OTUD7A: variants seen among roughly 807,000 people sequenced by gnomAD.
OTUD7A encodes OTU deubiquitinase 7A.
In OTUD7A, 12 loss-of-function variants were observed where a neutral mutation model predicts 65.7. That is an observed-to-expected ratio of 0.18 (90% CI 0.12 to 0.30). The LOEUF (loss-of-function observed/expected upper bound fraction) is 0.30, where lower values mean the gene tolerates loss of function less well. Ranked by LOEUF, OTUD7A falls within the 10% of genes least tolerant of loss-of-function variation. OTUD7A has a pLI of 1.00. For synonymous variants in OTUD7A, 641 were observed against 586.3 expected, an observed-to-expected ratio of 1.09 and a Z score of -1.35; for missense variants, 1,148 against 1,304.8, an observed-to-expected ratio of 0.88 and a Z score of 1.85.
At chr15:31,860,999 A>G (rs997370317) in intron 1 of OTUD7A, among the ~76,000 whole-genome samples, 10 of 150,736 alleles carry the variant, frequency 6.6e-5, no homozygotes, top group Non-Finnish European at 1.3e-4. Context: ...GATTACAGGC[A>G]TGAGCCACCA....
chr15:31,496,358 A>T (rs2041383886), intron 10 of OTUD7A, among the ~76,000 whole-genome samples: 1 of 151,732 alleles, frequency 6.6e-6, no homozygotes, highest in South Asian at 2.1e-4. Context: ...CGTAGCTGGG[A>T]CTACAGGCAC....
intron 5 of OTUD7A, among the ~76,000 whole-genome samples, chr15:31,552,134 C>T (rs998311701): frequency 4.6e-5 from 7 of 152,180 alleles, no homozygotes; most frequent in Non-Finnish European, 1.0e-4. Context: ...TCTTGCTCCC[C>T]TTCACATCAT....
chr15:31,766,819 A>T, intron 1 of OTUD7A: 3 of 1,612,792 alleles, frequency 1.9e-6, no homozygotes, highest in Non-Finnish European at 2.5e-6. Context: ...CTCTAAAAAC[A>T]GTTTATTATT....
intron 1 of OTUD7A, among the ~76,000 whole-genome samples, chr15:31,869,548 T>A (rs980753265): frequency 5.3e-5 from 8 of 152,258 alleles, no homozygotes; most frequent in African/African-American, 1.7e-4. Flanking sequence ...GTGCATGTCA[T>A]ACATGACTTT....
At chr15:31,681,763 C>T (rs1458960136) in intron 1 of OTUD7A, among the ~76,000 whole-genome samples, 1 of 149,758 alleles carries the variant, frequency 6.7e-6, no homozygotes, top group Non-Finnish European at 1.5e-5. Flanking sequence ...GTTTACTTCC[C>T]CCTTTTCAGT....
intron 1 of OTUD7A, among the ~76,000 whole-genome samples, chr15:31,845,541 G>A (rs1419731249): frequency 2.6e-5 from 4 of 152,338 alleles, no homozygotes; most frequent in South Asian, 2.1e-4. Flanking sequence ...CAGAGGATCC[G>A]GCTCTGGGCA....
rs542162490 is a variant in OTUD7A at position 31,504,140 on chromosome 15, T to C, written c.894-322A>G. Among the ~76,000 whole-genome samples the C allele has an allele frequency of 2.1e-4, 32 of 152,258 alleles. No homozygotes were observed. In the East Asian group the frequency reaches 5.2e-3, roughly 25 times the overall value. The stretch of plus-strand genomic sequence containing the variant: ...ACCAGAGCCTGTGGTAGCAGGGCTA[T>C]TGGCTTTCTGGGGGTGTTTCACAAG... On this transcript the variant is annotated intron_variant, in intron 8 of 12. Coordinates refer to ENST00000307050, the MANE Select transcript of OTUD7A (RefSeq NM_001382637.1).
At chr15:31,633,761 C>T (rs1891250098) in intron 3 of OTUD7A, among the ~76,000 whole-genome samples, 1 of 152,146 alleles carries the variant, frequency 6.6e-6, no homozygotes, top group African/African-American at 2.4e-5. Flanking sequence ...GGGGAACCTG[C>T]TGGGGTGATG....
intron 1 of OTUD7A, among the ~76,000 whole-genome samples, chr15:31,746,367 T>G (rs1195738852): frequency 1.3e-5 from 2 of 152,180 alleles, no homozygotes; most frequent in Admixed American, 1.3e-4. Context: ...CACACACATA[T>G]GTATACATAT....
chr15:31,732,796 C>A (rs1479577684), intron 1 of OTUD7A, among the ~76,000 whole-genome samples: 1 of 152,220 alleles, frequency 6.6e-6, no homozygotes, highest in African/African-American at 2.4e-5. Context: ...ACCTCCAAGT[C>A]CTTCTTCCAG....
chr15:31,733,688 A>C (rs1329659296), intron 1 of OTUD7A, among the ~76,000 whole-genome samples: 2 of 152,212 alleles, frequency 1.3e-5, no homozygotes, highest in African/African-American at 2.4e-5. Context: ...TCTGCTGAAT[A>C]AATGAAGTCA....
chr15:31,673,841 T>G (rs1424512304), intron 1 of OTUD7A, among the ~76,000 whole-genome samples: 1 of 152,230 alleles, frequency 6.6e-6, no homozygotes, highest in African/African-American at 2.4e-5. Flanking sequence ...CGCATTGAGC[T>G]GTCACCCCAA....
intron 1 of OTUD7A, among the ~76,000 whole-genome samples, chr15:31,669,952 A>T (rs554248115): frequency 2.1e-5 from 3 of 145,080 alleles, no homozygotes. Flanking sequence ...GGAGAGCAGG[A>T]TCTCCCTTTT....
In OTUD7A at chr15:31,629,994, T is replaced by C. The variant is rs937855850; in HGVS notation, c.151+25102A>G. 8.6e-4 allele frequency among the ~76,000 whole-genome samples: 130 copies of C among 151,734 alleles called. 1 individual carries two copies. Among genetic ancestry groups the C allele is most frequent in the African/African-American group, 3.1e-3 (128 of 41,338 alleles). On this transcript the variant is annotated intron_variant, in intron 3 of 12. Coordinates refer to ENST00000307050, the MANE Select transcript of OTUD7A (RefSeq NM_001382637.1). ...TGATTCTTCTCTCTTTCTTCTTTAT[T>C]AGTCTTGCTAGCAGTCTATCAATTT...
At chr15:31,760,340 A>G (rs1894927189) in intron 1 of OTUD7A, among the ~76,000 whole-genome samples, 2 of 152,138 alleles carry the variant, frequency 1.3e-5, no homozygotes, top group African/African-American at 4.8e-5. Flanking sequence ...TAAGTTGCTC[A>G]TCTTAAAAAT....
intron 9 of OTUD7A, 67 bp from the exon 10 acceptor site, chr15:31,501,906 C>T: frequency 1.3e-6 from 2 of 1,517,202 alleles, no homozygotes; most frequent in Non-Finnish European, 1.8e-6. Context: ...GAGGCCCCTG[C>T]ATCCCTGTCC....
intron 3 of OTUD7A, among the ~76,000 whole-genome samples, chr15:31,583,522 G>A (rs1201121488): frequency 6.6e-6 from 1 of 151,932 alleles, no homozygotes; most frequent in Non-Finnish European, 1.5e-5. Context: ...TGAATCATGG[G>A]GGTGGTTTCC....
chr15:31,563,327 A>G (rs1441579682), intron 4 of OTUD7A, among the ~76,000 whole-genome samples: 1 of 152,226 alleles, frequency 6.6e-6, no homozygotes, highest in African/African-American at 2.4e-5. Flanking sequence ...GGCCCTGAGC[A>G]CAAGACCGAG....
chr15:31,816,135 T>C (rs1254969162), intron 1 of OTUD7A, among the ~76,000 whole-genome samples: 1 of 152,238 alleles, frequency 6.6e-6, no homozygotes, highest in Non-Finnish European at 1.5e-5. Flanking sequence ...CTCCGGCCTC[T>C]TTCCAGCCCA....
Sources: gnomAD v4.1 joint callset for allele counts (sites outside exome capture counted in the v4.1 genomes callset) on GRCh38, gnomAD v4.1.1 for gene constraint, MANE v1.5 for transcripts, NCBI Gene and HGNC (gene_info 2026-07-23, HGNC 2026-07-21) for gene names.